Variants in ADAMTS3 observed in about 807,000 individuals in gnomAD.
The protein encoded by ADAMTS3 is ADAM metallopeptidase with thrombospondin type 1 motif 3.
In ADAMTS3, 73 loss-of-function variants were observed where a neutral mutation model predicts 129.0. The ratio of observed to expected loss-of-function variants is 0.57; its 90% confidence interval spans 0.47 to 0.69. The LOEUF (loss-of-function observed/expected upper bound fraction) is 0.69, where lower values mean the gene tolerates loss of function less well. ADAMTS3 is among the 30% of genes least tolerant of loss of function. The probability of loss-of-function intolerance (pLI) is 0.00; values close to 1 mark genes in which losing one functional copy is unlikely to be tolerated. For synonymous variants in ADAMTS3, 477 were observed against 510.8 expected (o/e 0.93, Z 0.89); for missense variants, 1,457 against 1,514.5 (o/e 0.96, Z 0.63).
chr4:72,427,248 G>T (rs760051276), intron 3 of ADAMTS3, among the ~76,000 whole-genome samples: 2 of 151,994 alleles, frequency 1.3e-5, no homozygotes, highest in Non-Finnish European at 2.9e-5. Flanking sequence ...TCATTCCCAG[G>T]CTACACTCCT....
chr4:72,462,910 C>CT (rs1009823064), intron 3 of ADAMTS3, among the ~76,000 whole-genome samples: 7 of 151,724 alleles, frequency 4.6e-5, no homozygotes, highest in African/African-American at 1.7e-4. Flanking sequence ...TTAGTGTAGC[C>CT]TAAGTGTACG....
chr4:72,466,559 G>C (rs141799970), intron 3 of ADAMTS3, among the ~76,000 whole-genome samples: 1 of 152,130 alleles, frequency 6.6e-6, no homozygotes, highest in East Asian at 1.9e-4. Flanking sequence ...GACAGAATGT[G>C]GGGGTGGGAA....
At chr4:72,308,046 G>A (rs560955419) in intron 15 of ADAMTS3, among the ~76,000 whole-genome samples, 1 of 151,336 alleles carries the variant, frequency 6.6e-6, no homozygotes, top group East Asian at 1.9e-4. Context: ...TATTCACTGT[G>A]GAAATAAAAC....
rs1454255241 is a variant in ADAMTS3, at chr4:72,283,522, C to T, written c.3232G>A (p.Asp1078Asn). ...THDDVISNPSDLPRSLVMPTS... is the reference protein window; with the variant it reads ...THDDVISNPSNLPRSLVMPTS... The stretch of plus-strand genomic sequence containing the variant: ...GGCATCACTAGAGATCTAGGGAGGT[C>T]ACTAGGGTTAGAGATGACATCATCA... Residue 1078 changes from aspartate to asparagine, a missense_variant, in exon 22 of 22, where the codon GAC becomes AAC. Physicochemically the swap from Asp to Asn is conservative, Grantham distance 23. Coordinates refer to ENST00000286657, the MANE Select transcript of ADAMTS3 (RefSeq NM_014243.3). The T allele has an allele frequency of 2.5e-6, 4 of 1,613,888 alleles. No individual in the cohort carries two copies. The highest frequency in any genetic ancestry group is 3.4e-6 in the Non-Finnish European group (4 of 1,179,970).
At chr4:72,291,712 C>T (rs537092610) in intron 19 of ADAMTS3, among the ~76,000 whole-genome samples, 4 of 150,344 alleles carry the variant, frequency 2.7e-5, no homozygotes, top group Admixed American at 2.0e-4. Flanking sequence ...AATAAACATA[C>T]GTGTGCATGT....
At chr4:72,425,321 T>C (rs1054332554) in intron 3 of ADAMTS3, among the ~76,000 whole-genome samples, 4 of 152,054 alleles carry the variant, frequency 2.6e-5, no homozygotes, top group African/African-American at 7.2e-5. Flanking sequence ...ACATTTATTT[T>C]TAATTTGGGC....
At chr4:72,478,231 C>T (rs1719301818) in intron 3 of ADAMTS3, among the ~76,000 whole-genome samples, 1 of 152,222 alleles carries the variant, frequency 6.6e-6, no homozygotes, top group South Asian at 2.1e-4. Context: ...TGGGCAGAGA[C>T]ACAACTAAAA....
At chr4:72,422,109 G>C (rs951559668) in intron 3 of ADAMTS3, among the ~76,000 whole-genome samples, 1 of 152,064 alleles carries the variant, frequency 6.6e-6, no homozygotes, top group African/African-American at 2.4e-5. Flanking sequence ...TGACTTACAG[G>C]AATAAGTGTG....
chr4:72,346,169 C>A (rs547485676), intron 4 of ADAMTS3, among the ~76,000 whole-genome samples: 1 of 152,234 alleles, frequency 6.6e-6, no homozygotes, highest in East Asian at 1.9e-4. Context: ...TTGTGTCTTC[C>A]TGCATTACTT....
Position 72,283,593 on chromosome 4 carries a change from C to T in ADAMTS3, c.3161G>A (p.Ser1054Asn). ...KLCCESCSKR[S>N]STLPPPYLLE... ...AAGGTATGGTGGTGGCAGGGTGCTACTGCGCTTGCTGCAGGACTCACAACA... is the reference window on the plus strand; with the variant it reads ...AAGGTATGGTGGTGGCAGGGTGCTATTGCGCTTGCTGCAGGACTCACAACA... The change falls in exon 22 of 22, where the codon AGT (serine) becomes AAT (asparagine). Residue 1054 changes from serine (S) to asparagine (N), a missense_variant. By Grantham distance (46) the Ser-to-Asn change is conservative. Coordinates refer to ENST00000286657, the MANE Select transcript of ADAMTS3 (RefSeq NM_014243.3). 1.2e-6 allele frequency: 2 copies of T among 1,614,020 alleles called. No homozygotes were observed. The highest frequency in any genetic ancestry group is 1.7e-6 in the Non-Finnish European group (2 of 1,179,962).
intron 4 of ADAMTS3, among the ~76,000 whole-genome samples, chr4:72,408,501 C>T (rs12508388): frequency 0.63 from 96,151 of 151,894 alleles, 30,941 homozygotes; most frequent in South Asian, 0.79. Flanking sequence ...GCTTGATGAT[C>T]CAGCAAGGAA....
chr4:72,290,815 A>T (rs1168476349), intron 20 of ADAMTS3, 40 bp downstream of exon 20: 4 of 1,590,580 alleles, frequency 2.5e-6, no homozygotes, highest in Non-Finnish European at 3.4e-6. Flanking sequence ...ATGCTTACAC[A>T]CACACTTTAC....
At chr4:72,546,541 T>C (rs903747044) in intron 3 of ADAMTS3, among the ~76,000 whole-genome samples, 1 of 152,022 alleles carries the variant, frequency 6.6e-6, no homozygotes, top group African/African-American at 2.4e-5. Context: ...GGTAACCCAG[T>C]AGAGCCATTA....
At chr4:72,556,683 T>G (rs1457522415) in intron 2 of ADAMTS3, among the ~76,000 whole-genome samples, 1 of 151,736 alleles carries the variant, frequency 6.6e-6, no homozygotes, top group Non-Finnish European at 1.5e-5. Flanking sequence ...TGATGCACGC[T>G]TTGGCATCTT....
chr4:72,420,468 C>T (rs1326132422), intron 3 of ADAMTS3, among the ~76,000 whole-genome samples: 1 of 152,190 alleles, frequency 6.6e-6, no homozygotes, highest in African/African-American at 2.4e-5. Flanking sequence ...ACACGGACTA[C>T]CCATCTGCTT....
At chr4:72,528,862 G>A (rs772404825) in intron 3 of ADAMTS3, among the ~76,000 whole-genome samples, 10 of 152,006 alleles carry the variant, frequency 6.6e-5, no homozygotes, top group Non-Finnish European at 1.3e-4. Context: ...TCTACGCCAA[G>A]AATTGTTAAA....
At chr4:72,439,538 T>C (rs1008306908) in intron 3 of ADAMTS3, among the ~76,000 whole-genome samples, 1 of 151,682 alleles carries the variant, frequency 6.6e-6, no homozygotes, top group South Asian at 2.1e-4. Flanking sequence ...TAACAGTGAC[T>C]GGTATAATGT....
At chr4:72,501,581 CCTT>C (rs1426455277) in intron 3 of ADAMTS3, among the ~76,000 whole-genome samples, 1 of 151,860 alleles carries the variant, frequency 6.6e-6, no homozygotes, top group East Asian at 1.9e-4. Flanking sequence ...TAATTTGACT[CCTT>C]CTCCTATTTG....
intron 4 of ADAMTS3, among the ~76,000 whole-genome samples, chr4:72,383,417 C>A (rs1721351755): frequency 6.6e-6 from 1 of 152,118 alleles, no homozygotes; most frequent in Non-Finnish European, 1.5e-5. Flanking sequence ...TGAATGAGAA[C>A]CAGGATTTTA....
Sources: gnomAD v4.1 joint callset for allele counts (sites outside exome capture counted in the v4.1 genomes callset) on GRCh38, gnomAD v4.1.1 for gene constraint, MANE v1.5 for transcripts, NCBI Gene and HGNC (gene_info 2026-07-23, HGNC 2026-07-21) for gene names.